Variants in OR51B5 observed in about 807,000 individuals in gnomAD.
OR51B5 encodes olfactory receptor 51B5.
For synonymous variants in OR51B5, 186 were observed against 144.8 expected (o/e 1.28, Z -2.04); for missense variants, 456 against 374.6 (o/e 1.22, Z -1.79).
intron 1 of OR51B5, chr11:5,362,776 T>C: frequency 4.5e-6 from 1 of 224,716 alleles, no homozygotes; most frequent in East Asian, 1.1e-4. Context: ...ATAAAGAGTA[T>C]CTCCTTGGTG....
At chr11:5,363,254 C>T (rs1383319737) in intron 1 of OR51B5, among the ~76,000 whole-genome samples, 52 of 13,240 alleles carry the variant, frequency 3.9e-3, no homozygotes, top group Admixed American at 0.012. Context: ...CACACACACA[C>T]ACACACACAC....
At chr11:5,341,887 C>T (rs1848900726), downstream of OR51B5, among the ~76,000 whole-genome samples, 1 of 152,134 alleles carries the variant, frequency 6.6e-6, no homozygotes, top group African/African-American at 2.4e-5. Flanking sequence ...CTGACTGTGT[C>T]TACGTCCTCT....
intron 1 of OR51B5, among the ~76,000 whole-genome samples, chr11:5,439,135 CTGAA>C (rs1202961997): frequency 1.3e-5 from 2 of 151,774 alleles, no homozygotes; most frequent in Non-Finnish European, 2.9e-5. Context: ...TTCTATTTGC[CTGAA>C]TGGGAGCCCT....
intron 1 of OR51B5, among the ~76,000 whole-genome samples, chr11:5,410,539 G>GA (rs1171351569): frequency 6.6e-6 from 1 of 152,042 alleles, no homozygotes; most frequent in Non-Finnish European, 1.5e-5. Context: ...TAATGAAAGT[G>GA]AAAAATCCTA....
At chr11:5,359,172 G>T (rs925249924) in intron 1 of OR51B5, among the ~76,000 whole-genome samples, 1 of 151,910 alleles carries the variant, frequency 6.6e-6, no homozygotes, top group Non-Finnish European at 1.5e-5. Context: ...GGAAAAAAAG[G>T]TATTCAATTA....
intron 1 of OR51B5, among the ~76,000 whole-genome samples, chr11:5,441,936 C>G (rs533145068): frequency 6.6e-6 from 1 of 152,316 alleles, no homozygotes; most frequent in East Asian, 1.9e-4. Context: ...ACCCCAGCCT[C>G]CCAATCCCAA....
In OR51B5 at chr11:5,432,154, C is replaced by G. The variant is rs575867036; in HGVS notation, n.84+73415G>C. The stretch of plus-strand genomic sequence containing the variant: ...CTAACTATGTGTTTATAGCTATTAA[C>G]CAGCCTCTCCTATCCTTAACACACA... On this transcript the variant is annotated intron_variant and non_coding_transcript_variant, in intron 1 of 4. Transcript: ENST00000415970. Among the ~76,000 whole-genome samples the G allele has an allele frequency of 5.9e-5, 9 of 152,320 alleles. No homozygotes were observed. In the South Asian group the frequency reaches 1.9e-3, roughly 32 times the overall value.
At chr11:5,414,318 C>T (rs1377618127) in intron 1 of OR51B5, among the ~76,000 whole-genome samples, 1 of 144,994 alleles carries the variant, frequency 6.9e-6, no homozygotes, top group East Asian at 2.0e-4. Context: ...GTACCAGCCA[C>T]TGCAAAATCA....
intron 1 of OR51B5, chr11:5,430,858 G>A (rs778076950): frequency 1.4e-4 from 63 of 457,192 alleles, no homozygotes; most frequent in South Asian, 2.0e-4. Flanking sequence ...TATAAGCACT[G>A]CACAAATATG....
At chr11:5,440,576 C>G (rs377511589) in intron 1 of OR51B5, 4 of 1,611,894 alleles carry the variant, frequency 2.5e-6, no homozygotes, top group Non-Finnish European at 3.4e-6. Flanking sequence ...TTCCTCAGGC[C>G]TGGGATTTAT....
At chr11:5,461,229 TC>T in intron 1 of OR51B5, among the ~76,000 whole-genome samples, 1 of 152,106 alleles carries the variant, frequency 6.6e-6, no homozygotes, top group East Asian at 1.9e-4. Context: ...TGGTGGGTCT[TC>T]CTATTCATGT....
At chr11:5,490,968 C>T (rs1027079276) in intron 1 of OR51B5, among the ~76,000 whole-genome samples, 1 of 152,202 alleles carries the variant, frequency 6.6e-6, no homozygotes, top group African/African-American at 2.4e-5. Context: ...CTGCAGTGTT[C>T]ATTTATTTGC....
intron 1 of OR51B5, chr11:5,354,958 C>T (rs1849165096): frequency 6.2e-6 from 1 of 161,398 alleles, no homozygotes. Flanking sequence ...TTGGTCTGGG[C>T]AGGAAGGTGT....
upstream of OR51B5, among the ~76,000 whole-genome samples, chr11:5,345,220 T>C (rs997035940): frequency 1.2e-4 from 18 of 152,256 alleles, no homozygotes; most frequent in Non-Finnish European, 2.4e-4. Flanking sequence ...TGATATATTC[T>C]GATTTGTATT....
At chr11:5,429,040 G>A (rs148921185) in intron 1 of OR51B5, among the ~76,000 whole-genome samples, 1 of 152,110 alleles carries the variant, frequency 6.6e-6, no homozygotes, top group Non-Finnish European at 1.5e-5. Flanking sequence ...ATGTTTTTCA[G>A]ACTGACCCCA....
At chr11:5,422,186 A>T in intron 1 of OR51B5, 1 of 1,555,638 alleles carries the variant, frequency 6.4e-7, no homozygotes, top group Admixed American at 1.8e-5. Flanking sequence ...GAATCTGAAG[A>T]CACATTCATC....
chr11:5,494,431 C>T (rs1360361700), intron 1 of OR51B5, among the ~76,000 whole-genome samples: 1 of 152,138 alleles, frequency 6.6e-6, no homozygotes, highest in Non-Finnish European at 1.5e-5. Flanking sequence ...GCAGGAGCTC[C>T]GTCCACATTA....
chr11:5,447,057 T>G (rs557619725), intron 1 of OR51B5, among the ~76,000 whole-genome samples: 7 of 152,306 alleles, frequency 4.6e-5, no homozygotes, highest in African/African-American at 1.4e-4. Flanking sequence ...TACAACAAGT[T>G]GATGCTTTGC....
intron 1 of OR51B5, chr11:5,431,012 TGTTGA>T (rs1390266914): frequency 2.2e-6 from 1 of 457,000 alleles, no homozygotes; most frequent in Non-Finnish European, 4.4e-6. Context: ...CCCAGGATGC[TGTTGA>T]GTTTAGTATC....
Sources: allele counts gnomAD v4.1 joint callset (sites outside exome capture counted in the v4.1 genomes callset), GRCh38; gene constraint gnomAD v4.1.1; transcripts MANE v1.5; gene names NCBI Gene and HGNC (gene_info 2026-07-23, HGNC 2026-07-21).